RC3H1: variants seen among roughly 807,000 people sequenced by gnomAD.
RC3H1 encodes the protein roquin-1.
In RC3H1, 50 loss-of-function variants were observed where a neutral mutation model predicts 138.2. The observed-to-expected ratio is 0.36, with a 90% CI of 0.29 to 0.46. The LOEUF (loss-of-function observed/expected upper bound fraction) is 0.46, where lower values mean the gene tolerates loss of function less well. Among genes scored for constraint, RC3H1 ranks in the 20% least tolerant of loss-of-function variants. The pLI, the probability that RC3H1 is intolerant of heterozygous loss-of-function variation, is 1.00. For missense variants in RC3H1, 1,031 were observed against 1,388.1 expected, an observed-to-expected ratio of 0.74 and a Z score of 4.09; for synonymous variants, 462 against 489.1, an observed-to-expected ratio of 0.94 and a Z score of 0.73.
chr1:173,996,315 T>C (rs776610484), intron 1 of RC3H1, among the ~76,000 whole-genome samples: 2 of 151,688 alleles, frequency 1.3e-5, no homozygotes, highest in Non-Finnish European at 2.9e-5. Flanking sequence ...GACCAATATA[T>C]ATGACATCAT....
intron 1 of RC3H1, among the ~76,000 whole-genome samples, chr1:174,020,435 T>C (rs1265662491): frequency 1.3e-5 from 2 of 152,176 alleles, no homozygotes; most frequent in East Asian, 3.9e-4. Context: ...GCTTATAATG[T>C]TTTTAATTAG....
intron 1 of RC3H1, among the ~76,000 whole-genome samples, chr1:174,020,300 T>G (rs1661934555): frequency 1.3e-5 from 2 of 152,168 alleles, no homozygotes; most frequent in African/African-American, 2.4e-5. Context: ...AAAATGAAGG[T>G]CAGTATTGAT....
rs1658633102 is a variant in RC3H1, at chr1:173,936,986, A to G, written c.*1735T>C. 6.7e-6 allele frequency: 1 copy of G among 148,916 alleles called. No individual in the cohort carries two copies. The highest frequency in any genetic ancestry group is 2.1e-4 in the South Asian group (1 of 4,796). The allele number at this position is 148,916 out of a possible 1,614,324, so 9.2% of individuals were successfully genotyped here. ...TATATAAATTTTTATTTAAATAAAA[A>G]AGAAAGCTCGAATCCCAAGCCAATA... On this transcript the variant is annotated 3_prime_UTR_variant, in exon 20 of 20. Coordinates refer to ENST00000367696, the MANE Select transcript of RC3H1 (RefSeq NM_172071.4).
At chr1:173,988,228 T>C (rs1272620074) in intron 2 of RC3H1, among the ~76,000 whole-genome samples, 1 of 151,934 alleles carries the variant, frequency 6.6e-6, no homozygotes, top group Non-Finnish European at 1.5e-5. Context: ...TCACCAATTC[T>C]ATCCTCCCTC....
rs1658669165 is a variant in RC3H1, at chr1:173,937,855, C to G, written c.*866G>C. On this transcript the variant is annotated 3_prime_UTR_variant, in exon 20 of 20. Coordinates refer to ENST00000367696, the MANE Select transcript of RC3H1 (RefSeq NM_172071.4). ...ACTGCTTCAAATTTCCAACCATGAG[C>G]TGAACGCAGGCGAAACACCAAACAT... 1 of 152,154 alleles carries G rather than the reference C, an allele frequency of 6.6e-6. No individual in the cohort carries two copies. Among genetic ancestry groups the G allele is most frequent in the African/African-American group, 2.4e-5 (1 of 41,432 alleles). 9.4% of individuals were successfully genotyped at this position (152,154 alleles called of 1,614,324 possible). A position where few individuals can be genotyped will look rare whatever the true frequency, so the allele number is the denominator to read the frequency against.
In RC3H1 at chr1:173,955,186, A is replaced by C. The variant is rs559129268; in HGVS notation, c.2371-3048T>G. Among the ~76,000 whole-genome samples, 18 of 136,184 alleles carry C rather than the reference A, an allele frequency of 1.3e-4. No individual in the cohort carries two copies. The South Asian group carries it at 4.9e-3, about 37-fold the overall frequency. The allele number at this position is 136,184 out of a possible 152,430, so 89.3% of individuals were successfully genotyped here. A position where few individuals can be genotyped will look rare whatever the true frequency, so the allele number is the denominator to read the frequency against. On this transcript the variant is annotated intron_variant, in intron 13 of 19. Coordinates refer to ENST00000367696, the MANE Select transcript of RC3H1 (RefSeq NM_172071.4). ...GGTTGCAGTGAGCCGAGATCACGCCATTGCACTCCAGCCCAGACGACAGTG... is the reference window on the plus strand; with the variant it reads ...GGTTGCAGTGAGCCGAGATCACGCCCTTGCACTCCAGCCCAGACGACAGTG...
chr1:173,975,321 C>T (rs1050121356), intron 7 of RC3H1, among the ~76,000 whole-genome samples: 46 of 152,148 alleles, frequency 3.0e-4, no homozygotes, highest in African/African-American at 1.1e-3. Flanking sequence ...GTCTTGATCT[C>T]TTGACCTTGT....
At chr1:174,021,464 ATG>A (rs1273508378) in intron 1 of RC3H1, among the ~76,000 whole-genome samples, 1 of 151,666 alleles carries the variant, frequency 6.6e-6, no homozygotes, top group African/African-American at 2.4e-5. Flanking sequence ...CACATTTTAT[ATG>A]TTTTTGTTGC....
At chr1:174,009,789 G>C (rs1024300132) in intron 1 of RC3H1, among the ~76,000 whole-genome samples, 4 of 152,216 alleles carry the variant, frequency 2.6e-5, no homozygotes, top group African/African-American at 9.6e-5. Context: ...AGTGAGCCGA[G>C]ATCGTGCCAC....
intron 9 of RC3H1, chr1:173,969,512 T>A (rs984565744): frequency 6.6e-6 from 1 of 151,808 alleles, no homozygotes; most frequent in South Asian, 2.1e-4. Flanking sequence ...TGCAGTAGAT[T>A]TGCAGTTTTA....
chr1:173,965,373 T>C (rs1331098053), intron 9 of RC3H1, among the ~76,000 whole-genome samples: 1 of 152,086 alleles, frequency 6.6e-6, no homozygotes, highest in Non-Finnish European at 1.5e-5. Flanking sequence ...GGCAGGCGGA[T>C]CACGAGGTTA....
chr1:174,009,228 T>C (rs991475282), intron 1 of RC3H1: 2 of 152,140 alleles, frequency 1.3e-5, no homozygotes, highest in African/African-American at 4.8e-5. Context: ...TAAGTCTATT[T>C]ATTGCTTGGT....
chr1:173,984,650 T>A, intron 2 of RC3H1, 31 bp from the exon 3 acceptor site: 1 of 1,599,168 alleles, frequency 6.3e-7, no homozygotes, highest in African/African-American at 1.3e-5. Flanking sequence ...TCTGTATGAG[T>A]GCTCAATTCA....
chr1:173,966,487 G>A (rs1660124552), intron 9 of RC3H1, among the ~76,000 whole-genome samples: 1 of 152,026 alleles, frequency 6.6e-6, no homozygotes, highest in South Asian at 2.1e-4. Flanking sequence ...AGGCCGAGGC[G>A]GGCAGATCAC....
chr1:173,982,273 G>A (rs1347406206), intron 5 of RC3H1, among the ~76,000 whole-genome samples: 1 of 151,762 alleles, frequency 6.6e-6, no homozygotes, highest in African/African-American at 2.4e-5. Flanking sequence ...CAGCTACTCG[G>A]GAGGCTGAGA....
chr1:173,972,364 A>T (rs1660393571), intron 8 of RC3H1, 145 bp downstream of exon 8: 1 of 601,884 alleles, frequency 1.7e-6, no homozygotes, highest in East Asian at 2.7e-5. Context: ...ATGCCAAGGT[A>T]ATTTACAGTT....
At chr1:173,951,327 C>A (rs879855917) in intron 14 of RC3H1, among the ~76,000 whole-genome samples, 2 of 151,470 alleles carry the variant, frequency 1.3e-5, no homozygotes. Context: ...CTCCATCCCC[C>A]CCCCAAAAAA....
intron 1 of RC3H1, among the ~76,000 whole-genome samples, chr1:174,007,779 GA>G (rs1417464529): frequency 1.3e-5 from 2 of 152,140 alleles, no homozygotes; most frequent in African/African-American, 4.8e-5. Context: ...ATTTTTGTTA[GA>G]TTTTTTTTCC....
At chr1:173,974,517 T>G (rs1557937475) in intron 7 of RC3H1, among the ~76,000 whole-genome samples, 1 of 152,184 alleles carries the variant, frequency 6.6e-6, no homozygotes, top group African/African-American at 2.4e-5. Context: ...GAATATTCTG[T>G]AACTAATTCT....
Sources: allele counts gnomAD v4.1 joint callset (sites outside exome capture counted in the v4.1 genomes callset), GRCh38; gene constraint gnomAD v4.1.1; transcripts MANE v1.5; gene names NCBI Gene and HGNC (gene_info 2026-07-23, HGNC 2026-07-21).